The following SPTBN1 variants were observed in gnomAD, a reference collection of about 807,000 sequenced individuals.
The protein encoded by SPTBN1 is spectrin beta, non-erythrocytic 1, also known as spectrin beta chain, non-erythrocytic 1.
In SPTBN1, 32 loss-of-function variants were observed where a neutral mutation model predicts 266.4. The observed-to-expected ratio is 0.12, with a 90% confidence interval of 0.09 to 0.16. The LOEUF is 0.16. Among genes scored for constraint, SPTBN1 ranks in the 10% least tolerant of loss-of-function variants. The pLI, the probability that SPTBN1 is intolerant of heterozygous loss-of-function variation, is 1.00. For synonymous variants in SPTBN1, 1,336 were observed against 1,162.2 expected (o/e 1.15, Z -3.04); for missense variants, 2,296 against 3,067.1 (o/e 0.75, Z 5.94).
chr2:54,547,355 A>G (rs1403904248), intron 2 of SPTBN1, among the ~76,000 whole-genome samples: 1 of 152,192 alleles, frequency 6.6e-6, no homozygotes, highest in Non-Finnish European at 1.5e-5. Flanking sequence ...TTGTTTATCC[A>G]TTCATCCATT....
At chr2:54,458,212 T>A in intron 1 of SPTBN1, among the ~76,000 whole-genome samples, 1 of 152,258 alleles carries the variant, frequency 6.6e-6, no homozygotes, top group South Asian at 2.1e-4. Flanking sequence ...CATTTTTAAA[T>A]GAAATGATTA....
chr2:54,551,292 A>G (rs1037800456), intron 2 of SPTBN1, among the ~76,000 whole-genome samples: 12 of 152,180 alleles, frequency 7.9e-5, no homozygotes, highest in South Asian at 2.1e-4. Context: ...CCTGGCCTCA[A>G]CTGCATTCCT....
chr2:54,634,074 C>CT (rs948556969), intron 17 of SPTBN1, among the ~76,000 whole-genome samples: 28 of 152,172 alleles, frequency 1.8e-4, no homozygotes, highest in African/African-American at 6.3e-4. Flanking sequence ...AAAGAATTTC[C>CT]TTTTTTTGTA....
Position 54,631,569 on chromosome 2 carries a change from C to G in SPTBN1, c.3522C>G (p.Phe1174Leu). 2 of 1,613,950 alleles carry G rather than the reference C, an allele frequency of 1.2e-6. No homozygotes were observed. The highest frequency in any genetic ancestry group is 1.7e-6 in the Non-Finnish European group (2 of 1,179,992). ...LLSQSHAYQQ[F>L]LRDTKQAEAF... Reference sequence around the variant, plus strand: ...CCCAGTCACATGCCTACCAGCAGTTCCTCAGAGACACGAAGCAAGCCGAAG... The same window carrying G: ...CCCAGTCACATGCCTACCAGCAGTTGCTCAGAGACACGAAGCAAGCCGAAG... Residue 1174 changes from phenylalanine (F) to leucine (L), a missense_variant, in exon 16 of 36, where the codon TTC (phenylalanine) becomes TTG (leucine). This residue lies in a region of SPTBN1 where 386 missense variants were observed against 486.1 expected (regional missense o/e 0.79). Transcript: ENST00000356805.
intron 1 of SPTBN1, among the ~76,000 whole-genome samples, chr2:54,460,706 G>C: frequency 6.6e-6 from 1 of 152,036 alleles, no homozygotes; most frequent in South Asian, 2.2e-4. Context: ...ATATGTTAAA[G>C]AATCGTAAAC....
At chr2:54,479,024 C>G (rs1338576274) in intron 1 of SPTBN1, among the ~76,000 whole-genome samples, 3 of 152,058 alleles carry the variant, frequency 2.0e-5, no homozygotes, top group Non-Finnish European at 4.4e-5. Flanking sequence ...AAATAACAAA[C>G]AACTGAGTGT....
intron 2 of SPTBN1, chr2:54,529,691 C>T (rs13416540): frequency 1.4e-6 from 1 of 718,360 alleles, no homozygotes; most frequent in Admixed American, 1.7e-5. Context: ...TGTGAAGAAG[C>T]TCTGTGACAT....
chr2:54,531,891 C>T (rs1326357842), intron 2 of SPTBN1, among the ~76,000 whole-genome samples: 1 of 152,068 alleles, frequency 6.6e-6, no homozygotes, highest in Non-Finnish European at 1.5e-5. Flanking sequence ...TTTCTCCAAG[C>T]AGAGAAAAGC....
chr2:54,576,490 G>A (rs1034169447), intron 2 of SPTBN1, among the ~76,000 whole-genome samples: 16 of 152,060 alleles, frequency 1.1e-4, no homozygotes, highest in Non-Finnish European at 1.6e-4. Context: ...ATACTTTGAA[G>A]AAGTAGTACT....
At chr2:54,656,324 G>A (rs573379562) in intron 29 of SPTBN1, among the ~76,000 whole-genome samples, 1 of 152,172 alleles carries the variant, frequency 6.6e-6, no homozygotes, top group Non-Finnish European at 1.5e-5. Flanking sequence ...ACAGAATCAA[G>A]TTGGAAAGTT....
intron 1 of SPTBN1, among the ~76,000 whole-genome samples, chr2:54,473,566 A>ATT (rs1192513620): frequency 6.6e-6 from 1 of 151,960 alleles, no homozygotes; most frequent in African/African-American, 2.4e-5. Context: ...GAACTGGTAA[A>ATT]TTGTATTGAG....
intron 2 of SPTBN1, among the ~76,000 whole-genome samples, chr2:54,593,352 C>A (rs1675813746): frequency 6.6e-6 from 1 of 152,162 alleles, no homozygotes; most frequent in Non-Finnish European, 1.5e-5. Context: ...CCACCCCTGT[C>A]ATGTCACAGA....
intron 1 of SPTBN1, among the ~76,000 whole-genome samples, chr2:54,459,516 G>C (rs1315298594): frequency 6.6e-6 from 1 of 152,186 alleles, no homozygotes; most frequent in African/African-American, 2.4e-5. Context: ...GACATGATTA[G>C]TGGAAATCAT....
At chr2:54,458,178 G>A (rs1194012025) in intron 1 of SPTBN1, among the ~76,000 whole-genome samples, 1 of 152,206 alleles carries the variant, frequency 6.6e-6, no homozygotes, top group Non-Finnish European at 1.5e-5. Flanking sequence ...TTAATACCAA[G>A]TATGCATTTT....
intron 1 of SPTBN1, among the ~76,000 whole-genome samples, chr2:54,521,022 G>T (rs183930625): frequency 2.0e-4 from 31 of 152,264 alleles, no homozygotes; most frequent in Non-Finnish European, 3.8e-4. Context: ...AGCTATTTAA[G>T]AAGTACAGAT....
intron 1 of SPTBN1, among the ~76,000 whole-genome samples, chr2:54,483,685 G>C (rs1031326801): frequency 1.3e-5 from 2 of 152,200 alleles, no homozygotes; most frequent in Non-Finnish European, 2.9e-5. Flanking sequence ...GGTAGGAAGA[G>C]CTCTGAGAAT....
At chr2:54,659,906 C>T in intron 31 of SPTBN1, 30 bp from the exon 32 acceptor site, 1 of 1,608,168 alleles carries the variant, frequency 6.2e-7, no homozygotes, top group Non-Finnish European at 8.5e-7. Context: ...TCTTCCTTTC[C>T]CTTCCTCCTT....
Position 54,646,850 on chromosome 2 carries a change from T to TTCCA in SPTBN1, c.4867-280_4867-277dup, listed in dbSNP as rs1234841107. On this transcript the variant is annotated intron_variant, in intron 23 of 35. Coordinates refer to ENST00000356805, the MANE Select transcript of SPTBN1 (RefSeq NM_003128.3). This position sits in a 1 kb window ranked among gnomAD's most constrained non-coding sequence, Gnocchi z 4.4. ...TACATACTTGAGGGACCTTGAGGAA[T>TTCCA]TCCAGCGAACCAGGCACACTTGGTC... Among the ~76,000 whole-genome samples the TTCCA allele has an allele frequency of 2.6e-5, 4 of 152,326 alleles. No homozygotes were observed. Among genetic ancestry groups the TTCCA allele is most frequent in the Middle Eastern group, 3.4e-3 (1 of 294 alleles).
intron 29 of SPTBN1, among the ~76,000 whole-genome samples, chr2:54,656,692 T>G (rs1361332794): frequency 1.3e-5 from 2 of 152,194 alleles, no homozygotes; most frequent in Non-Finnish European, 2.9e-5. Context: ...TTATGGGGGT[T>G]TACTAGAAAC....
Sources: gnomAD v4.1 joint callset for allele counts (sites outside exome capture counted in the v4.1 genomes callset) on GRCh38, gnomAD v4.1.1 for gene constraint, gnomAD v4.1.1 regional missense constraint, Gnocchi (gnomAD v3.1) non-coding constraint, MANE v1.5 for transcripts, NCBI Gene and HGNC (gene_info 2026-07-23, HGNC 2026-07-21) for gene names.